Variants in ZNF469 observed in about 807,000 individuals in gnomAD.
ZNF469 encodes the protein zinc finger protein 469.
ZNF469 carries 1 observed loss-of-function variant against 1.0 expected under a neutral mutation model. That is an observed-to-expected ratio of 1.00 (90% CI 0.35 to 4.73). ZNF469 has a LOEUF of 4.73. Among genes scored for constraint, ZNF469 ranks in the 30% most tolerant of loss-of-function variants. ZNF469 has a pLI of 0.16. For missense variants in ZNF469, 6,100 were observed against 5,356.3 expected (o/e 1.14, Z -4.33); for synonymous variants, 2,703 against 2,363.4 (o/e 1.14, Z -4.17).
the ZNF469 span, among the ~76,000 whole-genome samples, chr16:88,247,561 T>C: frequency 3.5e-5 from 5 of 143,692 alleles, no homozygotes; most frequent in African/African-American, 1.5e-4. Flanking sequence ...AATGAGTGAC[T>C]GAGTGAGTGA....
the ZNF469 span, among the ~76,000 whole-genome samples, chr16:88,280,089 G>A: frequency 4.0e-4 from 60 of 150,750 alleles, no homozygotes; most frequent in Non-Finnish European, 5.3e-4. Context: ...AGTCGGTACC[G>A]TGTACATATC....
At chr16:88,289,717 T>C in the ZNF469 span, among the ~76,000 whole-genome samples, 41,213 of 152,108 alleles carry the variant, frequency 0.27, 6,220 homozygotes, top group Non-Finnish European at 0.34. Flanking sequence ...GGAGTGAATG[T>C]GTTCCTAAGC....
the ZNF469 span, among the ~76,000 whole-genome samples, chr16:88,159,922 C>T: frequency 2.0e-5 from 3 of 152,152 alleles, no homozygotes; most frequent in Non-Finnish European, 4.4e-5. Context: ...AGAAGAGCTG[C>T]CTCCCCCGTC....
At chr16:88,401,865 T>G (rs1314481437) in intron 1 of ZNF469, among the ~76,000 whole-genome samples, 3 of 149,568 alleles carry the variant, frequency 2.0e-5, no homozygotes, top group South Asian at 2.2e-4. Context: ...GGTGGAGGAA[T>G]AGGTAGATGG....
At chr16:88,154,553 CT>C in the ZNF469 span, among the ~76,000 whole-genome samples, 1 of 152,364 alleles carries the variant, frequency 6.6e-6, no homozygotes, top group East Asian at 1.9e-4. Flanking sequence ...ACTGTGTTTC[CT>C]GATTGAAGCC....
the ZNF469 span, among the ~76,000 whole-genome samples, chr16:88,311,786 G>A: frequency 2.2e-4 from 33 of 152,296 alleles, no homozygotes; most frequent in Non-Finnish European, 4.3e-4. Context: ...TGGCCAAGTC[G>A]TTCGCCAACA....
rs775797987 is a variant in ZNF469, at chr16:88,437,001, C to T, written c.9531C>T (p.Cys3177=). 3.0e-5 allele frequency: 45 copies of T among 1,520,308 alleles called. No individual in the cohort carries two copies. The highest frequency in any genetic ancestry group is 3.7e-5 in the Non-Finnish European group (42 of 1,136,066). The allele number at this position is 1,520,308 out of a possible 1,614,324, so 94.2% of individuals were successfully genotyped here. Residue 3177 remains cysteine, a synonymous_variant, in exon 3 of 3, where the codon TGC becomes TGT. Coordinates refer to ENST00000565624, the MANE Select transcript of ZNF469 (RefSeq NM_001367624.2). The stretch of plus-strand genomic sequence containing the variant: ...AGAGCAAGGCCGGGCCCTGGGCGTG[C>T]GGCATGTGCCTGAAGGAGGTGGCCG... The part of the protein sequence containing the change: ...HAQSKAGPWA[C]GMCLKEVADV...
chr16:88,434,540 G>T lies in ZNF469; in HGVS notation c.7070G>T (p.Gly2357Val). ...AVPTEPPTLQ[G>V]AGPDSPACLE... ...CCCACTGAGCCTCCCACGCTACAGG[G>T]TGCAGGGCCGGACTCCCCCGCCTGC... The change falls in exon 3 of 3, where the codon GGT becomes GTT. Residue 2357 changes from glycine (G) to valine (V), a missense_variant. By Grantham distance (109) the Gly-to-Val change is moderately radical. Coordinates refer to ENST00000565624, the MANE Select transcript of ZNF469 (RefSeq NM_001367624.2). The T allele has an allele frequency of 6.5e-7, 1 of 1,550,334 alleles. No individual in the cohort carries two copies. Among genetic ancestry groups the T allele is most frequent in the Non-Finnish European group, 8.7e-7 (1 of 1,146,956 alleles).
the ZNF469 span, among the ~76,000 whole-genome samples, chr16:88,349,850 C>CCACACACCATACACTA: frequency 0.047 from 28 of 592 alleles, no homozygotes; most frequent in South Asian, 0.088. Context: ...ACACCACACA[C>CCACACACCATACACTA]AAGTGCACAC....
chr16:88,378,584 C>T (rs2092514519), upstream of ZNF469, among the ~76,000 whole-genome samples: 1 of 152,266 alleles, frequency 6.6e-6, no homozygotes, highest in Admixed American at 6.5e-5. Flanking sequence ...TGCACCTCTG[C>T]CCGGCTGCTC....
At chr16:88,426,444 G>A (rs769546371) in intron 2 of ZNF469, among the ~76,000 whole-genome samples, 2 of 152,280 alleles carry the variant, frequency 1.3e-5, no homozygotes, top group Admixed American at 6.5e-5. Flanking sequence ...AGTCCTGTCC[G>A]CACAGAGGAC....
Position 88,429,544 on chromosome 16 carries a change from C to T in ZNF469, c.2074C>T (p.His692Tyr), listed in dbSNP as rs529827333. ...FQCLEETPFP[H>Y]EGPEVGRGGL... ...GTGCCTGGAGGAGACCCCATTCCCC[C>T]ACGAGGGCCCCGAGGTGGGTCGGGG... Residue 692 changes from histidine to tyrosine, a missense_variant, in exon 3 of 3, where the codon CAC (histidine) becomes TAC (tyrosine). Transcript: ENST00000565624. 6.5e-7 allele frequency: 1 copy of T among 1,550,178 alleles called. No homozygotes were observed. The highest frequency in any genetic ancestry group is 8.7e-7 in the Non-Finnish European group (1 of 1,146,870).
chr16:88,428,653 A>G lies in ZNF469; in HGVS notation c.1183A>G (p.Arg395Gly). The G allele has an allele frequency of 6.5e-7, 1 of 1,550,070 alleles. No individual in the cohort carries two copies. Among genetic ancestry groups the G allele is most frequent in the Non-Finnish European group, 8.7e-7 (1 of 1,146,838 alleles). ...AGCCCAGGATGGGCTGGGGAGCACG[A>G]GAGGGCCCCCTAGCTCCCTACCCCA... ...PSAQDGLGST[R>G]GPPSSLPQRH... The change falls in exon 3 of 3, where the codon AGA becomes GGA. Residue 395 changes from arginine to glycine, a missense_variant. Transcript: ENST00000565624.
intron 1 of ZNF469, among the ~76,000 whole-genome samples, chr16:88,413,836 G>A (rs1045308348): frequency 6.6e-6 from 1 of 152,202 alleles, no homozygotes; most frequent in Non-Finnish European, 1.5e-5. Flanking sequence ...AGTGGGGAGA[G>A]CGACCGGGCC....
At chr16:88,418,902 G>A (rs1056899874) in intron 1 of ZNF469, among the ~76,000 whole-genome samples, 11 of 152,250 alleles carry the variant, frequency 7.2e-5, no homozygotes, top group African/African-American at 2.2e-4. Flanking sequence ...AGGCAGCAGC[G>A]CTGCAGCCCC....
the ZNF469 span, among the ~76,000 whole-genome samples, chr16:88,274,046 G>T: frequency 2.0e-5 from 3 of 152,036 alleles, no homozygotes; most frequent in Non-Finnish European, 4.4e-5. Flanking sequence ...CTCGTGATCC[G>T]CCTGCCTCGG....
chr16:88,252,001 T>A, the ZNF469 span, among the ~76,000 whole-genome samples: 11 of 150,548 alleles, frequency 7.3e-5, no homozygotes, highest in Non-Finnish European at 1.6e-4. Context: ...CTCAGTGGCT[T>A]CCTTGCTTCC....
chr16:88,341,276 G>T, the ZNF469 span, among the ~76,000 whole-genome samples: 1 of 152,180 alleles, frequency 6.6e-6, no homozygotes, highest in East Asian at 1.9e-4. Context: ...CCTGTACAGG[G>T]CCAGCCCCTC....
chr16:88,109,567 G>A, the ZNF469 span, among the ~76,000 whole-genome samples: 1 of 144,666 alleles, frequency 6.9e-6, no homozygotes, highest in Non-Finnish European at 1.5e-5. Flanking sequence ...CTGTGTCCAC[G>A]CTGTCTCCTC....
Sources: allele counts gnomAD v4.1 joint callset (sites outside exome capture counted in the v4.1 genomes callset), GRCh38; gene constraint gnomAD v4.1.1; transcripts MANE v1.5; gene names NCBI Gene and HGNC (gene_info 2026-07-23, HGNC 2026-07-21).